Variants in RANBP2 observed in about 807,000 individuals in gnomAD.
The protein encoded by RANBP2 is RAN binding protein 2, also known as E3 SUMO-protein ligase RanBP2.
RANBP2 carries 57 observed loss-of-function variants against 303.6 expected under a neutral mutation model. The observed-to-expected ratio is 0.19, with a 90% CI of 0.15 to 0.23. The LOEUF (loss-of-function observed/expected upper bound fraction) is 0.23. RANBP2 is among the 10% of genes least tolerant of loss of function. The probability of loss-of-function intolerance (pLI) is 1.00; values close to 1 mark genes in which losing one functional copy is unlikely to be tolerated. For missense variants in RANBP2, 3,138 were observed against 3,780.8 expected, an observed-to-expected ratio of 0.83 and a Z score of 4.46; for synonymous variants, 1,167 against 1,301.5, an observed-to-expected ratio of 0.90 and a Z score of 2.23.
At chr2:109,170,211 CTCTCTTTTTTCTCTTCTCTTCTCTTCTTT>C in the RANBP2 span, among the ~76,000 whole-genome samples, 31 of 151,440 alleles carry the variant, frequency 2.0e-4, no homozygotes, top group African/African-American at 7.5e-4. Context: ...TTTTCTTTCT[CTCTCTTTTTTCTCTTCTCTTCTCTTCTTT>C]TCTTTTCTCT....
the RANBP2 span, among the ~76,000 whole-genome samples, chr2:109,042,385 A>G: frequency 1.3e-5 from 2 of 151,848 alleles, no homozygotes; most frequent in South Asian, 2.1e-4. Context: ...CTTGTTTCGG[A>G]TTTGAATGTG....
chr2:109,636,250 A>G, the RANBP2 span, among the ~76,000 whole-genome samples: 10 of 152,264 alleles, frequency 6.6e-5, no homozygotes, highest in Non-Finnish European at 2.9e-5. Context: ...TAGGACATTA[A>G]TAATCTGATG....
Position 108,741,020 on chromosome 2 carries a change from A to T in RANBP2, c.975+339A>T, listed in dbSNP as rs184709545. On this transcript the variant is annotated intron_variant, in intron 7 of 28. Transcript: ENST00000283195. ...AAAGCTTGATTCAGAAAGATGTGTTACTTGGACAAAATCTTAATAAGTAGA... is the reference window on the plus strand; with the variant it reads ...AAAGCTTGATTCAGAAAGATGTGTTTCTTGGACAAAATCTTAATAAGTAGA... Among the ~76,000 whole-genome samples the T allele has an allele frequency of 1.1e-3, 165 of 152,278 alleles. 1 individual carries two copies. Among genetic ancestry groups the T allele is most frequent in the Non-Finnish European group, 1.6e-3 (112 of 68,038 alleles).
chr2:108,880,586 A>G, the RANBP2 span, among the ~76,000 whole-genome samples: 5 of 152,184 alleles, frequency 3.3e-5, no homozygotes, highest in Non-Finnish European at 5.9e-5. Context: ...TTTGAAGGCA[A>G]TGCTCATTTG....
the RANBP2 span, among the ~76,000 whole-genome samples, chr2:109,189,876 C>T: frequency 6.6e-6 from 1 of 152,150 alleles, no homozygotes; most frequent in South Asian, 2.1e-4. Flanking sequence ...CAGTGGTTGG[C>T]ATAAGGTTGG....
At chr2:109,376,108 G>A in the RANBP2 span, among the ~76,000 whole-genome samples, 1 of 152,238 alleles carries the variant, frequency 6.6e-6, no homozygotes, top group African/African-American at 2.4e-5. Flanking sequence ...TGGTGGTGGT[G>A]GTGTAAATGT....
the RANBP2 span, chr2:109,432,518 C>A: frequency 6.2e-7 from 1 of 1,613,554 alleles, no homozygotes; most frequent in Non-Finnish European, 8.5e-7. Flanking sequence ...GCGCTCTACG[C>A]CTACAAGCCC....
chr2:109,196,308 T>TC, the RANBP2 span, among the ~76,000 whole-genome samples: 4 of 152,174 alleles, frequency 2.6e-5, no homozygotes, highest in Non-Finnish European at 5.9e-5. Context: ...CCTGGATTGG[T>TC]GTAGCTCCCC....
At chr2:109,568,032 C>A in the RANBP2 span, 5 of 1,361,420 alleles carry the variant, frequency 3.7e-6, no homozygotes, top group African/African-American at 5.9e-5. Flanking sequence ...TTTAATCCTG[C>A]AGCTGTTTTT....
the RANBP2 span, among the ~76,000 whole-genome samples, chr2:108,917,532 T>C: frequency 1.3e-5 from 2 of 152,210 alleles, no homozygotes; most frequent in Non-Finnish European, 2.9e-5. Context: ...CATAAACATG[T>C]GCAATTATTA....
chr2:109,220,451 T>C, the RANBP2 span, among the ~76,000 whole-genome samples: 1 of 152,322 alleles, frequency 6.6e-6, no homozygotes, highest in East Asian at 1.9e-4. Flanking sequence ...CGCAAAAGTT[T>C]TGTGCTTCAA....
At chr2:109,175,882 G>T in the RANBP2 span, among the ~76,000 whole-genome samples, 1 of 151,980 alleles carries the variant, frequency 6.6e-6, no homozygotes, top group Non-Finnish European at 1.5e-5. Flanking sequence ...TTATTTATTG[G>T]GTATGCACTA....
At chr2:109,545,397 C>A in the RANBP2 span, 11 of 1,535,244 alleles carry the variant, frequency 7.2e-6, no homozygotes, top group Non-Finnish European at 9.6e-6. Flanking sequence ...CAAACCTACA[C>A]GCCTTGCGAT....
the RANBP2 span, among the ~76,000 whole-genome samples, chr2:108,846,430 G>A: frequency 1.3e-5 from 2 of 151,770 alleles, no homozygotes; most frequent in Non-Finnish European, 1.5e-5. Flanking sequence ...TGTAATCCCA[G>A]CATTTTGGGA....
chr2:109,569,695 G>A, the RANBP2 span, among the ~76,000 whole-genome samples: 2 of 151,980 alleles, frequency 1.3e-5, no homozygotes, highest in Non-Finnish European at 1.5e-5. Flanking sequence ...TATATACTTA[G>A]GTATTCAACA....
the RANBP2 span, among the ~76,000 whole-genome samples, chr2:109,110,629 A>T: frequency 6.6e-6 from 1 of 152,230 alleles, no homozygotes; most frequent in African/African-American, 2.4e-5. Flanking sequence ...CACCTTAAAG[A>T]TAATTGGCCC....
chr2:109,463,525 T>C, the RANBP2 span, among the ~76,000 whole-genome samples: 71,639 of 152,082 alleles, frequency 0.47, 18,444 homozygotes, highest in Non-Finnish European at 0.56. Context: ...ATAGTCGTGG[T>C]GAAAGGCGTG....
At chr2:109,185,128 A>G in the RANBP2 span, among the ~76,000 whole-genome samples, 1 of 152,216 alleles carries the variant, frequency 6.6e-6, no homozygotes, top group African/African-American at 2.4e-5. Context: ...ATTCATTTGT[A>G]GACAGTTTGG....
chr2:109,713,967 T>C, the RANBP2 span, among the ~76,000 whole-genome samples: 3 of 152,346 alleles, frequency 2.0e-5, no homozygotes, highest in South Asian at 2.1e-4. Flanking sequence ...TCTGACACTA[T>C]CTACCTGGAG....
Sources: gnomAD v4.1 joint callset for allele counts (sites outside exome capture counted in the v4.1 genomes callset) on GRCh38, gnomAD v4.1.1 for gene constraint, MANE v1.5 for transcripts, NCBI Gene and HGNC (gene_info 2026-07-23, HGNC 2026-07-21) for gene names.